The following CDX2 variants were observed in gnomAD, a reference collection of about 807,000 sequenced individuals.
The protein encoded by CDX2 is caudal type homeobox 2.
A neutral mutation model predicts 25.5 loss-of-function variants in CDX2; 7 were observed. That is an observed-to-expected ratio of 0.27 (90% CI 0.16 to 0.52). CDX2 has a LOEUF of 0.52. Among genes scored for constraint, CDX2 ranks in the 20% least tolerant of loss-of-function variants. CDX2 has a pLI of 0.97. For synonymous variants in CDX2, 222 were observed against 198.6 expected (o/e 1.12, Z -0.99); for missense variants, 375 against 431.4 (o/e 0.87, Z 1.16).
rs563853684 is a variant in CDX2 at position 27,961,947 on chromosome 13, T to G, written c.*1168A>C. Among the ~76,000 whole-genome samples, 18 of 152,208 alleles carry G rather than the reference T, an allele frequency of 1.2e-4. No individual in the cohort carries two copies. The highest frequency in any genetic ancestry group is 4.3e-4 in the African/African-American group (18 of 41,540). On this transcript the variant is annotated 3_prime_UTR_variant, in exon 3 of 3. Transcript: ENST00000381020. ...ACGCATTCCAAGGCTGGGCTCAGGC[T>G]TGGGGGCAGGGAAGGTCTCAGAACC... is the stretch of plus-strand genomic sequence containing the variant.
In CDX2 at chr13:27,961,388, C is replaced by A. The variant is rs1421731963; in HGVS notation, c.*1727G>T. On this transcript the variant is annotated 3_prime_UTR_variant, in exon 3 of 3. Transcript: ENST00000381020. ...AGATCGAAACGAAGGGCTAAGCCCC[C>A]CTCGCCCGGGTCCTGCCGGAAAGTT... Among the ~76,000 whole-genome samples the A allele has an allele frequency of 1.3e-5, 2 of 152,236 alleles. No individual in the cohort carries two copies. The highest frequency in any genetic ancestry group is 2.9e-5 in the Non-Finnish European group (2 of 68,046).
Position 27,968,489 on chromosome 13 carries a change from G to T in CDX2, c.518C>A (p.Ala173Glu). Residue 173 changes from alanine (A) to glutamate (E), a missense_variant, in exon 1 of 3, where the codon GCG becomes GAG. Ala to Glu is a moderately radical substitution (Grantham distance 107). Coordinates refer to ENST00000381020, the MANE Select transcript of CDX2 (RefSeq NM_001265.6). ...ACCTTGGCTGCCGAGGGACTGCTGC[G>T]CCGGCTTCCGCATCCACTCGCACAG... is the stretch of plus-strand genomic sequence containing the variant. ...RNLCEWMRKPAQQSLGSQVKT... is the reference protein window; with the variant it reads ...RNLCEWMRKPEQQSLGSQVKT... 1 of 1,559,278 alleles carries T rather than the reference G, an allele frequency of 6.4e-7. No individual in the cohort carries two copies. Among genetic ancestry groups the T allele is most frequent in the Non-Finnish European group, 8.6e-7 (1 of 1,164,878 alleles).
In CDX2 at chr13:27,961,624, C is replaced by T. The variant is rs79038588; in HGVS notation, c.*1491G>A. ...AGAGAGTGGAGGCAGAAAGGGCTCA[C>T]GGAAATGCCCAGTGATTTACAGAAG... On this transcript the variant is annotated 3_prime_UTR_variant, in exon 3 of 3. Transcript: ENST00000381020. 1.0e-3 allele frequency among the ~76,000 whole-genome samples: 157 copies of T among 152,164 alleles called. No individual in the cohort carries two copies. Among genetic ancestry groups the T allele is most frequent in the Non-Finnish European group, 1.6e-3 (111 of 68,012 alleles).
rs569384415 is a variant in CDX2, at chr13:27,964,413, G to C, written c.687+457C>G. 5.3e-5 allele frequency among the ~76,000 whole-genome samples: 8 copies of C among 151,274 alleles called. No individual in the cohort carries two copies. In the East Asian group the frequency reaches 5.9e-4, roughly 11 times the overall value. On this transcript the variant is annotated intron_variant, in intron 2 of 2. Coordinates refer to ENST00000381020, the MANE Select transcript of CDX2 (RefSeq NM_001265.6). This position sits in a 1 kb window ranked among gnomAD's most constrained non-coding sequence, Gnocchi z 4.7. ...AAACTGCGTTTCGACGGTGGCGGGT[G>C]GGGGGGCATGTACTCCAGGCCAGGC... is the stretch of plus-strand genomic sequence containing the variant.
chr13:27,968,386 T>C (rs1869440476), intron 1 of CDX2, 80 bp downstream of exon 1: 3 of 1,370,674 alleles, frequency 2.2e-6, no homozygotes, highest in Non-Finnish European at 2.8e-6. Context: ...CTGTGCGCAC[T>C]GGACGCGCGA....
rs947408037 is a variant in CDX2, at chr13:27,969,135, G to T, written c.-129C>A. ...GCGGGTGGCTGCGCCCCAGCCCGCG[G>T]TGCTCCGCTGGCTCCTCGCGGCTCT... On this transcript the variant is annotated 5_prime_UTR_variant, in exon 1 of 3. Coordinates refer to ENST00000381020, the MANE Select transcript of CDX2 (RefSeq NM_001265.6). 1 of 642,136 alleles carries T rather than the reference G, an allele frequency of 1.6e-6. No homozygotes were observed. The highest frequency in any genetic ancestry group is 2.6e-6 in the Non-Finnish European group (1 of 389,044). The allele number at this position is 642,136 out of a possible 1,614,324, so 39.8% of individuals were successfully genotyped here.
intron 1 of CDX2, among the ~76,000 whole-genome samples, chr13:27,966,869 C>T (rs890045500): frequency 2.6e-5 from 4 of 152,222 alleles, no homozygotes; most frequent in Non-Finnish European, 4.4e-5. Flanking sequence ...TCCCCCCCTC[C>T]ACCCCCACAC....
In CDX2 at chr13:27,968,925, G is replaced by A. The variant is rs1431625593; in HGVS notation, c.82C>T (p.Pro28Ser). The part of the protein sequence containing the change: ...VRHSGGLNLA[P>S]QNFVSPPQYP... ...TGCGGGGGGCTGACGAAGTTCTGCGGCGCCAGGTTGAGGCCGCCAGAGTGG... is the reference window on the plus strand; with the variant it reads ...TGCGGGGGGCTGACGAAGTTCTGCGACGCCAGGTTGAGGCCGCCAGAGTGG... The change falls in exon 1 of 3, where the codon CCG (proline) becomes TCG (serine). Residue 28 changes from proline to serine, a missense_variant. Transcript: ENST00000381020. The A allele has an allele frequency of 6.2e-7, 1 of 1,608,786 alleles. No homozygotes were observed. Among genetic ancestry groups the A allele is most frequent in the South Asian group, 1.1e-5 (1 of 90,426 alleles).
rs1199946391 is a variant in CDX2, at chr13:27,969,205, C to A, written c.-199G>T. 2 of 554,772 alleles carry A rather than the reference C, an allele frequency of 3.6e-6. No individual in the cohort carries two copies. Among genetic ancestry groups the A allele is most frequent in the East Asian group, 3.3e-5 (1 of 30,080 alleles). The allele number at this position is 554,772 out of a possible 1,614,324, so 34.4% of individuals were successfully genotyped here. A position where few individuals can be genotyped will look rare whatever the true frequency, so the allele number is the denominator to read the frequency against. ...CTCCCTCTGGCCTGCCTCCTCCCTC[C>A]CTCCCTTTCTTCCTTCTTTCCTCCC... On this transcript the variant is annotated 5_prime_UTR_variant, in exon 1 of 3. Coordinates refer to ENST00000381020, the MANE Select transcript of CDX2 (RefSeq NM_001265.6).
At chr13:27,967,192 A>G in intron 1 of CDX2, 1 of 446,778 alleles carries the variant, frequency 2.2e-6, no homozygotes, top group Non-Finnish European at 4.4e-6. Flanking sequence ...AGGATCTGGG[A>G]GCCCCTGCTA....
chr13:27,968,051 C>G (rs1429299163), intron 1 of CDX2, among the ~76,000 whole-genome samples: 1 of 152,198 alleles, frequency 6.6e-6, no homozygotes, highest in East Asian at 1.9e-4. Flanking sequence ...TGGCCTAGAC[C>G]TAGCCCAAGA....
At position 27,965,829 on chromosome 13, in the gene CDX2, C is replaced by A. The variant is rs371454525; in HGVS notation, c.542-814G>T. Among the ~76,000 whole-genome samples, 4 of 152,332 alleles carry A rather than the reference C, an allele frequency of 2.6e-5. No individual in the cohort carries two copies. The East Asian group carries it at 7.7e-4, about 29-fold the overall frequency. On this transcript the variant is annotated intron_variant, in intron 1 of 2. Transcript: ENST00000381020. ...AATGTTGGAGCAGGCCCGAGCCTGG[C>A]GTCTCCACCAGGTCTGTCTTGGCTC...
In CDX2 at chr13:27,968,630, GGGTGGTGCGGGTGGTGATGCGGGT is replaced by G. The variant is rs1869464428; in HGVS notation, c.353_376del (p.His118_His125del). ...AGAAGCGCAGGAAGGCGCGGCGGCC[GGGTGGTGCGGGTGGTGATGCGGGT>G]GGTGGTGCGGATGGTAGTCTGCGGG... On this transcript the variant is annotated inframe_deletion, in exon 1 of 3. Transcript: ENST00000381020. 1 of 1,536,422 alleles carries G rather than the reference GGGTGGTGCGGGTGGTGATGCGGGT, an allele frequency of 6.5e-7. No individual in the cohort carries two copies. The highest frequency in any genetic ancestry group is 1.7e-4 in the Middle Eastern group (1 of 5,818).
rs2137534560 is a variant in CDX2 at position 27,963,234 on chromosome 13, G to A, written c.823C>T (p.Leu275=). 6.2e-7 allele frequency: 1 copy of A among 1,614,250 alleles called. No individual in the cohort carries two copies. Among genetic ancestry groups the A allele is most frequent in the Non-Finnish European group, 8.5e-7 (1 of 1,180,048 alleles). ...PQPPQPQPGP[L]RSVPEPLSPV... Reference sequence around the variant, plus strand: ...CTCAAGGGCTCTGGGACACTTCTCAGAGGACCTGGCTGAGGCTGGGGAGGC... The same window carrying A: ...CTCAAGGGCTCTGGGACACTTCTCAAAGGACCTGGCTGAGGCTGGGGAGGC... The change falls in exon 3 of 3, where the codon CTG becomes TTG. Residue 275 remains leucine, a synonymous_variant. Transcript: ENST00000381020.
At chr13:27,965,143 G>T (rs1258383813) in intron 1 of CDX2, 128 bp from the exon 2 acceptor site, 7 of 1,021,320 alleles carry the variant, frequency 6.9e-6, no homozygotes, top group Admixed American at 2.3e-5. Flanking sequence ...GGTTTGGCTG[G>T]TTCCTGCCAA....
chr13:27,969,036 C>A lies in CDX2; in HGVS notation c.-30G>T. On this transcript the variant is annotated 5_prime_UTR_variant, in exon 1 of 3. It removes an upstream start codon present in the reference 5' UTR. Coordinates refer to ENST00000381020, the MANE Select transcript of CDX2 (RefSeq NM_001265.6). ...GCGAGGGTCCGGGAGCAGACCTCAC[C>A]ATGCTGCCTGGGGACCGACGCTGGA... 6.4e-7 allele frequency: 1 copy of A among 1,551,880 alleles called. No homozygotes were observed. Among genetic ancestry groups the A allele is most frequent in the Non-Finnish European group, 8.7e-7 (1 of 1,144,966 alleles).
intron 1 of CDX2, 23 bp from the exon 2 acceptor site, chr13:27,965,038 G>C (rs746279056): frequency 6.2e-7 from 1 of 1,611,888 alleles, no homozygotes; most frequent in Non-Finnish European, 8.5e-7. Context: ...GAGAAGTGAG[G>C]GCTGAGAACT....
intron 1 of CDX2, chr13:27,967,155 G>T: frequency 2.4e-6 from 1 of 410,262 alleles, no homozygotes; most frequent in Non-Finnish European, 4.8e-6. Flanking sequence ...CCAGACAGGG[G>T]CTGTAGAAAG....
chr13:27,963,426 G>C, intron 2 of CDX2, 57 bp from the exon 3 acceptor site: 1 of 1,363,758 alleles, frequency 7.3e-7, no homozygotes, highest in Non-Finnish European at 1.0e-6. Flanking sequence ...GGGAAAAGAG[G>C]AACAGTACCC....
Sources: allele counts gnomAD v4.1 joint callset (sites outside exome capture counted in the v4.1 genomes callset), GRCh38; gene constraint gnomAD v4.1.1; non-coding constraint Gnocchi (gnomAD v3.1); transcripts MANE v1.5; gene names NCBI Gene and HGNC (gene_info 2026-07-23, HGNC 2026-07-21).